The following PLIN5 variants were observed in gnomAD, a reference collection of about 807,000 sequenced individuals.
The protein encoded by PLIN5 is perilipin-5.
A neutral mutation model predicts 32.8 loss-of-function variants in PLIN5; 34 were observed. That is an observed-to-expected ratio of 1.04 (90% confidence interval 0.79 to 1.38). The LOEUF (loss-of-function observed/expected upper bound fraction) is 1.38. Among genes scored for constraint, PLIN5 ranks in the 40% most tolerant of loss-of-function variants. PLIN5 has a pLI of 0.00. For missense variants in PLIN5, 712 were observed against 660.5 expected (o/e 1.08, Z -0.85); for synonymous variants, 309 against 292.9 (o/e 1.05, Z -0.56).
chr19:4,534,551 A>G (rs922788059), intron 1 of PLIN5, among the ~76,000 whole-genome samples: 3 of 152,096 alleles, frequency 2.0e-5, no homozygotes, highest in Non-Finnish European at 2.9e-5. Flanking sequence ...TTGTATTTTT[A>G]GTAGAAACCG....
In PLIN5 at chr19:4,523,505, C is replaced by G; in HGVS notation, c.*23G>C. On this transcript the variant is annotated 3_prime_UTR_variant, in exon 8 of 8. Coordinates refer to ENST00000381848, the MANE Select transcript of PLIN5 (RefSeq NM_001013706.3). This position sits in a 1 kb window ranked among gnomAD's most constrained non-coding sequence, Gnocchi z 5.0. ...TCGGGGTGTGCAGGTGGCCTTTCCT[C>G]CCCGCCTCCACTGGCCCATGGGTCA... 6.6e-7 allele frequency: 1 copy of G among 1,526,156 alleles called. No homozygotes were observed. The highest frequency in any genetic ancestry group is 8.8e-7 in the Non-Finnish European group (1 of 1,133,630). 94.5% of individuals were successfully genotyped at this position (1,526,156 alleles called of 1,614,324 possible). A position where few individuals can be genotyped will look rare whatever the true frequency, so the allele number is the denominator to read the frequency against.
intron 7 of PLIN5, among the ~76,000 whole-genome samples, chr19:4,524,506 C>G (rs558537987): frequency 6.6e-6 from 1 of 152,110 alleles, no homozygotes; most frequent in Non-Finnish European, 1.5e-5. Context: ...GAGCTGAGAT[C>G]GCGCCACTGC....
At chr19:4,529,762 C>T in intron 4 of PLIN5, 22 bp downstream of exon 4, 2 of 1,608,888 alleles carry the variant, frequency 1.2e-6, no homozygotes, top group Non-Finnish European at 1.7e-6. Flanking sequence ...TGGAGGTCCC[C>T]ATGTCTAGTC....
intron 4 of PLIN5, chr19:4,529,495 CATATACAT>C (rs1012581758): frequency 1.9e-5 from 10 of 540,414 alleles, no homozygotes; most frequent in African/African-American, 1.3e-4. Flanking sequence ...CATATACACA[CATATACAT>C]ATATACATGT....
chr19:4,534,546 T>C (rs1176605096), intron 1 of PLIN5, among the ~76,000 whole-genome samples: 1 of 152,146 alleles, frequency 6.6e-6, no homozygotes, highest in African/African-American at 2.4e-5. Flanking sequence ...AATTTTTGTA[T>C]TTTTAGTAGA....
Position 4,529,246 on chromosome 19 carries a change from G to A in PLIN5, c.347C>T (p.Thr116Ile), listed in dbSNP as rs1211925769. Reference sequence around the variant, plus strand: ...GCTGGCCACCACGTCCTTGGCTGAGGTCACCACCTGGAAGGAAGGGCCCCC... The same window carrying A: ...GCTGGCCACCACGTCCTTGGCTGAGATCACCACCTGGAAGGAAGGGCCCCC... ...FLQQPSETVV[T>I]SAKDVVASSV... The change falls in exon 5 of 8, where the codon ACC becomes ATC. Residue 116 changes from threonine (T) to isoleucine (I), a missense_variant. By Grantham distance (89) the Thr-to-Ile change is moderately conservative. Coordinates refer to ENST00000381848, the MANE Select transcript of PLIN5 (RefSeq NM_001013706.3). 2 of 1,598,962 alleles carry A rather than the reference G, an allele frequency of 1.3e-6. No homozygotes were observed. The highest frequency in any genetic ancestry group is 2.8e-5 in the African/African-American group (2 of 71,698).
Position 4,525,532 on chromosome 19 carries a change from G to A in PLIN5, c.720+101C>T, listed in dbSNP as rs1217327408. The A allele has an allele frequency of 2.0e-5, 28 of 1,418,020 alleles. 1 individual carries two copies. The highest frequency in any genetic ancestry group is 5.7e-5 in the Admixed American group (3 of 52,902). The allele number at this position is 1,418,020 out of a possible 1,614,324, so 87.8% of individuals were successfully genotyped here. A position where few individuals can be genotyped will look rare whatever the true frequency, so the allele number is the denominator to read the frequency against. On this transcript the variant is annotated intron_variant, in intron 6 of 7. Coordinates refer to ENST00000381848, the MANE Select transcript of PLIN5 (RefSeq NM_001013706.3). The surrounding 1 kb of genome is among the most constrained non-coding windows in gnomAD (Gnocchi z 5.6). ...GCTGGAGACAGCTGCACCCAGCTCC[G>A]CCTCCTGCTTTAGGCTAGCACGGGA...
At chr19:4,534,476 G>T (rs1976923983) in intron 1 of PLIN5, among the ~76,000 whole-genome samples, 3 of 152,168 alleles carry the variant, frequency 2.0e-5, no homozygotes, top group African/African-American at 7.2e-5. Context: ...AGGTTCAAGT[G>T]ATTCTCCTGC....
intron 1 of PLIN5, 163 bp from the exon 2 acceptor site, chr19:4,534,258 G>A: frequency 1.6e-6 from 1 of 631,474 alleles, no homozygotes. Context: ...CCAGAGCTCT[G>A]TACACAGAGG....
intron 5 of PLIN5, among the ~76,000 whole-genome samples, chr19:4,527,499 A>T (rs1266083078): frequency 7.4e-6 from 1 of 134,554 alleles, no homozygotes; most frequent in Non-Finnish European, 1.5e-5. Flanking sequence ...AGATCATATC[A>T]CTGCACTCTA....
At position 4,523,577 on chromosome 19, in the gene PLIN5, G is replaced by A; in HGVS notation, c.1343C>T (p.Thr448Ile). The change falls in exon 8 of 8, where the codon ACC becomes ATC. Residue 448 changes from threonine (T) to isoleucine (I), a missense_variant. Coordinates refer to ENST00000381848, the MANE Select transcript of PLIN5 (RefSeq NM_001013706.3). This position sits in a 1 kb window ranked among gnomAD's most constrained non-coding sequence, Gnocchi z 5.0. ...GGTGTGCTTGACCGGGCAGCTGGGGGTCTCGGGTTCCTGCTCGCAGATGTC... is the reference window on the plus strand; with the variant it reads ...GGTGTGCTTGACCGGGCAGCTGGGGATCTCGGGTTCCTGCTCGCAGATGTC... Reference protein sequence around the residue: ...AGDICEQEPETPSCPVKHTLM... With the variant: ...AGDICEQEPEIPSCPVKHTLM... 1 of 1,600,508 alleles carries A rather than the reference G, an allele frequency of 6.2e-7. No homozygotes were observed. Among genetic ancestry groups the A allele is most frequent in the African/African-American group, 1.3e-5 (1 of 74,494 alleles).
At position 4,525,038 on chromosome 19, in the gene PLIN5, C is replaced by G. The variant is rs575295609; in HGVS notation, c.759G>C (p.Pro253=). Reference sequence around the variant, plus strand: ...GCTCGTGCACCTTCCCAGGGCAGGCCGGGGCGGTGGGGGTCACCCCACACT... The same window carrying G: ...GCTCGTGCACCTTCCCAGGGCAGGCGGGGGCGGTGGGGGTCACCCCACACT... ...HMQCGVTPTA[P]ACPGKVHELW... is the part of the protein sequence containing the mutation. The change falls in exon 7 of 8, where the codon CCG becomes CCC. Residue 253 remains proline, a synonymous_variant. Transcript: ENST00000381848. The surrounding 1 kb of genome is among the most constrained non-coding windows in gnomAD (Gnocchi z 5.6). 118 of 1,344,454 alleles carry G rather than the reference C, an allele frequency of 8.8e-5. No individual in the cohort carries two copies. Among genetic ancestry groups the G allele is most frequent in the Non-Finnish European group, 1.1e-4 (114 of 1,033,780 alleles). 83.3% of individuals were successfully genotyped at this position (1,344,454 alleles called of 1,614,324 possible).
chr19:4,534,464 CCAGGTT>C (rs1225670546), intron 1 of PLIN5, among the ~76,000 whole-genome samples: 5 of 152,170 alleles, frequency 3.3e-5, no homozygotes, highest in African/African-American at 4.8e-5. Context: ...TTTCCGCCTC[CCAGGTT>C]CAAGTGATTC....
At chr19:4,533,861 TAGACC>T in intron 2 of PLIN5, 149 bp downstream of exon 2, 1 of 836,054 alleles carries the variant, frequency 1.2e-6, no homozygotes, top group African/African-American at 1.7e-5. Context: ...CACTAGGAAA[TAGACC>T]ATCCCCTCCA....
rs1309630178 is a variant in PLIN5, at chr19:4,523,690, C to T, written c.1230G>A (p.Leu410=). ...AGGCTCTCTGCTGGGCCGGCCAGTC[C>T]AGGTGCGCCCAGCGGGGGTCAGGGC... ...IGGPDPRWAH[L]DWPAQQRAWE... Residue 410 remains leucine, a synonymous_variant, in exon 8 of 8, where the codon CTG becomes CTA. Coordinates refer to ENST00000381848, the MANE Select transcript of PLIN5 (RefSeq NM_001013706.3). This position sits in a 1 kb window ranked among gnomAD's most constrained non-coding sequence, Gnocchi z 5.0. The T allele has an allele frequency of 6.2e-7, 1 of 1,606,382 alleles. No individual in the cohort carries two copies. Among genetic ancestry groups the T allele is most frequent in the Non-Finnish European group, 8.5e-7 (1 of 1,179,732 alleles).
chr19:4,531,934 G>C lies in PLIN5; in HGVS notation c.61-112C>G, dbSNP rs1039554521. ...CGAGGGATGGGAGAGTGGAAGGATG[G>C]AGTACTGAGCACCCCGCCACGTAGA... On this transcript the variant is annotated intron_variant, in intron 2 of 7. Transcript: ENST00000381848. The C allele has an allele frequency of 5.2e-6, 6 of 1,152,394 alleles. No homozygotes were observed. In the Admixed American group the frequency reaches 9.2e-5, roughly 18 times the overall value. 71.4% of individuals were successfully genotyped at this position (1,152,394 alleles called of 1,614,324 possible).
chr19:4,522,828 G>A lies in PLIN5; in HGVS notation c.*700C>T, dbSNP rs1004718251. On this transcript the variant is annotated 3_prime_UTR_variant, in exon 8 of 8. Coordinates refer to ENST00000381848, the MANE Select transcript of PLIN5 (RefSeq NM_001013706.3). The stretch of plus-strand genomic sequence containing the variant: ...CTCCCAAAGTGCTGTGATAACAGGT[G>A]TCAACCACCACACCCAGTCAGGGCT... 6.6e-6 allele frequency: 1 copy of A among 152,364 alleles called. No individual in the cohort carries two copies. The highest frequency in any genetic ancestry group is 2.4e-5 in the African/African-American group (1 of 41,398). The allele number at this position is 152,364 out of a possible 1,614,324, so 9.4% of individuals were successfully genotyped here.
At chr19:4,528,664 T>G (rs1196861149) in intron 5 of PLIN5, 1 of 155,306 alleles carries the variant, frequency 6.4e-6, no homozygotes, top group African/African-American at 2.4e-5. Flanking sequence ...CACCTTGGCC[T>G]CCCAAAGTGC....
intron 5 of PLIN5, among the ~76,000 whole-genome samples, chr19:4,526,365 G>A (rs531449817): frequency 2.6e-5 from 4 of 152,272 alleles, no homozygotes; most frequent in Admixed American, 1.3e-4. Flanking sequence ...GGGACCACAG[G>A]CGTGCACCAC....
Sources: allele counts gnomAD v4.1 joint callset (sites outside exome capture counted in the v4.1 genomes callset), GRCh38; gene constraint gnomAD v4.1.1; non-coding constraint Gnocchi (gnomAD v3.1); transcripts MANE v1.5; gene names NCBI Gene and HGNC (gene_info 2026-07-23, HGNC 2026-07-21).